Variants in RIN3 observed in about 807,000 individuals in gnomAD.
RIN3 encodes Ras and Rab interactor 3.
A neutral mutation model predicts 76.3 loss-of-function variants in RIN3; 54 were observed. The ratio of observed to expected loss-of-function variants is 0.71; its 90% CI spans 0.57 to 0.89. The LOEUF (loss-of-function observed/expected upper bound fraction) is 0.89. RIN3 is among the 40% of genes least tolerant of loss of function. The probability of loss-of-function intolerance (pLI) is 0.00; values close to 1 mark genes in which losing one functional copy is unlikely to be tolerated. For missense variants in RIN3, 1,256 were observed against 1,322.1 expected (o/e 0.95, Z 0.78); for synonymous variants, 576 against 564.0 (o/e 1.02, Z -0.30).
At chr14:92,589,313 A>T (rs1213968501) in intron 3 of RIN3, among the ~76,000 whole-genome samples, 5 of 151,838 alleles carry the variant, frequency 3.3e-5, no homozygotes, top group African/African-American at 1.2e-4. Context: ...CTCTCAGCTC[A>T]TCAGATGTTC....
Position 92,514,450 on chromosome 14 carries a change from C to T in RIN3, c.44+474C>T, listed in dbSNP as rs192444076. Among the ~76,000 whole-genome samples the T allele has an allele frequency of 3.2e-4, 49 of 152,324 alleles. No homozygotes were observed. The highest frequency in any genetic ancestry group is 1.9e-3 in the East Asian group (10 of 5,168). ...CCCGCTGGGCGTGGGGTCGGAGACC[C>T]GGACCCCCGCAACTTTGGGTGCCCG... is the stretch of plus-strand genomic sequence containing the variant. On this transcript the variant is annotated intron_variant, in intron 1 of 9. Transcript: ENST00000216487. The surrounding 1 kb of genome is among the most constrained non-coding windows in gnomAD (Gnocchi z 7.2).
At chr14:92,634,497 T>C (rs1886706728) in intron 4 of RIN3, among the ~76,000 whole-genome samples, 1 of 152,212 alleles carries the variant, frequency 6.6e-6, no homozygotes, top group African/African-American at 2.4e-5. Flanking sequence ...ATTTTTTTAA[T>C]AGCCCTGACC....
intron 8 of RIN3, among the ~76,000 whole-genome samples, chr14:92,683,406 C>T (rs1031241399): frequency 1.3e-5 from 2 of 152,142 alleles, no homozygotes; most frequent in African/African-American, 4.8e-5. Context: ...GAGGAGCTTA[C>T]CAAAGTTAGT....
intron 2 of RIN3, among the ~76,000 whole-genome samples, chr14:92,562,304 G>T (rs754917907): frequency 6.6e-6 from 1 of 151,918 alleles, no homozygotes; most frequent in Admixed American, 6.6e-5. Context: ...CAATTGCTGG[G>T]GTTGTGTTCT....
At chr14:92,539,569 G>A (rs765003074) in intron 1 of RIN3, among the ~76,000 whole-genome samples, 1 of 152,192 alleles carries the variant, frequency 6.6e-6, no homozygotes, top group Non-Finnish European at 1.5e-5. Flanking sequence ...ATTGCATGCA[G>A]TACCGGGGAC....
chr14:92,663,445 G>A (rs975122670), intron 7 of RIN3, among the ~76,000 whole-genome samples: 3 of 152,210 alleles, frequency 2.0e-5, no homozygotes, highest in Non-Finnish European at 2.9e-5. Context: ...AGGCAAGAGG[G>A]AGGGAGGCCG....
At chr14:92,629,896 C>T (rs1886507502) in intron 4 of RIN3, among the ~76,000 whole-genome samples, 1 of 152,242 alleles carries the variant, frequency 6.6e-6, no homozygotes, top group African/African-American at 2.4e-5. Flanking sequence ...GTGCATCCTG[C>T]AGTAATTCTG....
intron 6 of RIN3, among the ~76,000 whole-genome samples, chr14:92,654,042 G>T (rs561374453): frequency 3.3e-5 from 5 of 151,950 alleles, no homozygotes; most frequent in Non-Finnish European, 7.4e-5. Flanking sequence ...AGCTGGGCGT[G>T]GTGGCTCATG....
In RIN3 at chr14:92,659,450, C is replaced by A; in HGVS notation, c.2316C>A (p.Ser772=). The change falls in exon 7 of 10, where the codon TCC becomes TCA. Residue 772 remains serine, a synonymous_variant. Transcript: ENST00000216487. ...AGACCTGCAAACTCATCTACGACTC[C>A]ATGGCCCTCGGCAACCCAGGTCAGT... ...LLKTCKLIYD[S]MALGNPGKPY... 1 of 1,607,434 alleles carries A rather than the reference C, an allele frequency of 6.2e-7. No homozygotes were observed. The highest frequency in any genetic ancestry group is 8.5e-7 in the Non-Finnish European group (1 of 1,176,590).
intron 1 of RIN3, among the ~76,000 whole-genome samples, chr14:92,550,989 T>C (rs1897407717): frequency 6.6e-6 from 1 of 152,246 alleles, no homozygotes; most frequent in Non-Finnish European, 1.5e-5. Flanking sequence ...TCTGTTTTGT[T>C]ACATATCTTT....
intron 7 of RIN3, among the ~76,000 whole-genome samples, chr14:92,672,924 T>C (rs1441936480): frequency 1.3e-5 from 2 of 152,150 alleles, no homozygotes; most frequent in African/African-American, 2.4e-5. Context: ...TGTCCTATCA[T>C]ACGTACAATA....
intron 4 of RIN3, among the ~76,000 whole-genome samples, chr14:92,620,227 T>A (rs1886123676): frequency 6.6e-6 from 1 of 152,260 alleles, no homozygotes; most frequent in African/African-American, 2.4e-5. Flanking sequence ...ACCCTTTTGC[T>A]GGCATGCCAG....
intron 4 of RIN3, among the ~76,000 whole-genome samples, chr14:92,633,390 A>G (rs2140122417): frequency 1.3e-5 from 2 of 152,306 alleles, no homozygotes; most frequent in Middle Eastern, 3.4e-3. Flanking sequence ...GCCCCACCCT[A>G]GGATGTGCCC....
intron 3 of RIN3, among the ~76,000 whole-genome samples, chr14:92,579,130 G>A (rs1405584005): frequency 6.6e-6 from 1 of 151,998 alleles, no homozygotes; most frequent in Non-Finnish European, 1.5e-5. Flanking sequence ...GTTTCTCCAT[G>A]TTGGTCAGGC....
intron 8 of RIN3, among the ~76,000 whole-genome samples, chr14:92,677,729 A>G (rs556811350): frequency 6.6e-6 from 1 of 152,144 alleles, no homozygotes; most frequent in East Asian, 1.9e-4. Flanking sequence ...TCTGCTGCCC[A>G]GTGTAGCCAT....
chr14:92,569,025 C>T (rs940752085), intron 2 of RIN3, among the ~76,000 whole-genome samples: 14 of 152,212 alleles, frequency 9.2e-5, no homozygotes, highest in Non-Finnish European at 2.1e-4. Context: ...AGTCCTGGTG[C>T]CTGTAAGGCA....
At chr14:92,534,420 A>C (rs1307618584) in intron 1 of RIN3, among the ~76,000 whole-genome samples, 1 of 151,834 alleles carries the variant, frequency 6.6e-6, no homozygotes, top group Non-Finnish European at 1.5e-5. Flanking sequence ...TCTCTACTAA[A>C]AATACAAAAA....
intron 8 of RIN3, among the ~76,000 whole-genome samples, chr14:92,684,694 T>C (rs955372531): frequency 6.6e-6 from 1 of 152,150 alleles, no homozygotes; most frequent in Non-Finnish European, 1.5e-5. Flanking sequence ...TCCTTTAAAT[T>C]TTTTATTGTT....
chr14:92,540,144 C>T (rs183031906), intron 1 of RIN3, among the ~76,000 whole-genome samples: 2 of 152,344 alleles, frequency 1.3e-5, no homozygotes, highest in African/African-American at 4.8e-5. Flanking sequence ...AGGCCTTTGA[C>T]CTGCCAGACC....
Sources: gnomAD v4.1 joint callset for allele counts (sites outside exome capture counted in the v4.1 genomes callset) on GRCh38, gnomAD v4.1.1 for gene constraint, Gnocchi (gnomAD v3.1) non-coding constraint, MANE v1.5 for transcripts, NCBI Gene and HGNC (gene_info 2026-07-23, HGNC 2026-07-21) for gene names.